Variants in CSMD1 observed in about 807,000 individuals in gnomAD.
CSMD1 encodes the protein CUB and sushi domain-containing protein 1.
Under a neutral mutation model 417.5 loss-of-function variants are expected in CSMD1, and 213 were observed. That is an observed-to-expected ratio of 0.51 (90% CI 0.46 to 0.57). CSMD1 has a LOEUF of 0.57. Among genes scored for constraint, CSMD1 ranks in the 20% least tolerant of loss-of-function variants. The probability of loss-of-function intolerance (pLI) is 0.00; values close to 1 mark genes in which losing one functional copy is unlikely to be tolerated. For synonymous variants in CSMD1, 2,862 were observed against 1,736.8 expected (o/e 1.65, Z -16.11); for missense variants, 6,923 against 4,529.7 (o/e 1.53, Z -15.17).
intron 37 of CSMD1, among the ~76,000 whole-genome samples, chr8:3,176,426 C>T (rs1417911782): frequency 4.0e-5 from 6 of 151,790 alleles, no homozygotes; most frequent in Non-Finnish European, 8.8e-5. Flanking sequence ...AAAAAGTGTG[C>T]ATTCAAAAAA....
At chr8:3,819,024 C>T (rs1305822770) in intron 5 of CSMD1, among the ~76,000 whole-genome samples, 1 of 152,144 alleles carries the variant, frequency 6.6e-6, no homozygotes, top group Non-Finnish European at 1.5e-5. Flanking sequence ...CTTTTGACAT[C>T]CAGATTGACG....
intron 5 of CSMD1, among the ~76,000 whole-genome samples, chr8:3,928,256 A>T (rs1475610111): frequency 6.6e-6 from 1 of 152,246 alleles, no homozygotes; most frequent in Admixed American, 6.5e-5. Context: ...ACAGCCTCAT[A>T]ATTACATATG....
Position 2,957,767 on chromosome 8 carries a change from TG to T in CSMD1, c.9742del (p.His3248IlefsTer14). The T allele has an allele frequency of 6.3e-7, 1 of 1,597,024 alleles. No homozygotes were observed. The highest frequency in any genetic ancestry group is 1.7e-5 in the Admixed American group (1 of 57,836). On this transcript the variant is annotated frameshift_variant, in exon 63 of 70. Coordinates refer to ENST00000635120, the MANE Select transcript of CSMD1 (RefSeq NM_033225.6). LOFTEE classifies it high-confidence loss of function. ...TVFFRCRKGY[H>X]IQGSTTRTCL... ...GGTGCGAGTCGTGGAACCTTGAATA[TG>T]GTAGCCTTTTCTGCACCTGAAAAAA...
At chr8:4,041,711 A>T (rs1005034896) in intron 3 of CSMD1, among the ~76,000 whole-genome samples, 1 of 152,212 alleles carries the variant, frequency 6.6e-6, no homozygotes, top group Non-Finnish European at 1.5e-5. Context: ...CACCAACATT[A>T]AAACTGTTAT....
At chr8:4,007,376 C>T (rs1816207702) in intron 4 of CSMD1, among the ~76,000 whole-genome samples, 1 of 152,224 alleles carries the variant, frequency 6.6e-6, no homozygotes, top group Admixed American at 6.5e-5. Flanking sequence ...AGCCACACTG[C>T]TTCCTGGGGC....
intron 14 of CSMD1, among the ~76,000 whole-genome samples, chr8:3,407,282 G>T (rs537756328): frequency 1.3e-5 from 2 of 152,148 alleles, no homozygotes; most frequent in East Asian, 3.9e-4. Context: ...TAGATGGATG[G>T]AAGGATAAAA....
intron 3 of CSMD1, among the ~76,000 whole-genome samples, chr8:4,127,603 C>T (rs898049370): frequency 1.2e-4 from 19 of 152,102 alleles, no homozygotes; most frequent in African/African-American, 3.9e-4. Context: ...TTTCCCACAC[C>T]ACATACAACA....
At chr8:4,802,110 G>C (rs990206020) in intron 1 of CSMD1, among the ~76,000 whole-genome samples, 1 of 152,206 alleles carries the variant, frequency 6.6e-6, no homozygotes, top group Admixed American at 6.5e-5. Context: ...TCCACAGACA[G>C]TTTTAAGGCC....
chr8:3,087,922 G>C lies in CSMD1; in HGVS notation c.7286-637C>G, dbSNP rs549685500. ...GTGTTTTTTAAGTGTTGTTAAAACA[G>C]AGAAAGTAGAAATATATAACATTTT... On this transcript the variant is annotated intron_variant, in intron 48 of 69. Coordinates refer to ENST00000635120, the MANE Select transcript of CSMD1 (RefSeq NM_033225.6). 8.5e-5 allele frequency among the ~76,000 whole-genome samples: 13 copies of C among 152,328 alleles called. No individual in the cohort carries two copies. In the South Asian group the frequency reaches 2.1e-3, roughly 24 times the overall value.
At chr8:4,104,931 T>C (rs544821670) in intron 3 of CSMD1, among the ~76,000 whole-genome samples, 1 of 152,152 alleles carries the variant, frequency 6.6e-6, no homozygotes, top group African/African-American at 2.4e-5. Flanking sequence ...TACACAACAG[T>C]AGTTTAAACA....
intron 5 of CSMD1, among the ~76,000 whole-genome samples, chr8:3,897,416 A>G (rs1001107168): frequency 6.6e-6 from 1 of 152,168 alleles, no homozygotes; most frequent in Non-Finnish European, 1.5e-5. Context: ...TTTCTCAAAG[A>G]CCTGTTATTA....
chr8:4,958,536 TA>T (rs1809268997), intron 1 of CSMD1, among the ~76,000 whole-genome samples: 1 of 152,178 alleles, frequency 6.6e-6, no homozygotes, highest in African/African-American at 2.4e-5. Context: ...TTCCCACAGT[TA>T]ATTTATAAGC....
chr8:3,724,180 C>T lies in CSMD1; in HGVS notation c.932-15689G>A, dbSNP rs370860308. 1.4e-4 allele frequency among the ~76,000 whole-genome samples: 17 copies of T among 125,072 alleles called. 1 individual carries two copies. The East Asian group carries it at 1.7e-3, about 13-fold the overall frequency. The allele number at this position is 125,072 out of a possible 152,430, so 82.1% of individuals were successfully genotyped here. A position where few individuals can be genotyped will look rare whatever the true frequency, so the allele number is the denominator to read the frequency against. On this transcript the variant is annotated intron_variant, in intron 6 of 69. Coordinates refer to ENST00000635120, the MANE Select transcript of CSMD1 (RefSeq NM_033225.6). Reference sequence around the variant, plus strand: ...AGTTTTGCAAAAATAGAAAACAATGCTACCTCTTTTACTACTTTTTTTTTT... The same window carrying T: ...AGTTTTGCAAAAATAGAAAACAATGTTACCTCTTTTACTACTTTTTTTTTT...
chr8:4,632,981 T>C (rs116073371), intron 2 of CSMD1, among the ~76,000 whole-genome samples: 2 of 152,110 alleles, frequency 1.3e-5, no homozygotes, highest in Non-Finnish European at 2.9e-5. Context: ...AGAATGCAGT[T>C]TGGAGTCCGA....
intron 1 of CSMD1, among the ~76,000 whole-genome samples, chr8:4,644,040 GT>G (rs1803366648): frequency 6.6e-6 from 1 of 152,184 alleles, no homozygotes; most frequent in African/African-American, 2.4e-5. Context: ...AAGAAGAAAA[GT>G]AAAAATGCCA....
chr8:4,214,229 T>C (rs1585035945), intron 3 of CSMD1, among the ~76,000 whole-genome samples: 1 of 152,202 alleles, frequency 6.6e-6, no homozygotes, highest in African/African-American at 2.4e-5. Context: ...TGGACTAAAA[T>C]GGAAGTAAGC....
intron 5 of CSMD1, among the ~76,000 whole-genome samples, chr8:3,916,078 T>A (rs183937298): frequency 2.8e-4 from 42 of 152,002 alleles, no homozygotes; most frequent in Middle Eastern, 3.4e-3. Flanking sequence ...GTGTCTGCTC[T>A]GGAAGTCTTT....
intron 5 of CSMD1, among the ~76,000 whole-genome samples, chr8:3,822,563 C>G (rs1195123709): frequency 6.6e-6 from 1 of 152,186 alleles, no homozygotes; most frequent in African/African-American, 2.4e-5. Context: ...GCTTCCGCCT[C>G]TATCACTTCA....
At chr8:3,054,549 C>T (rs898667743) in intron 49 of CSMD1, among the ~76,000 whole-genome samples, 1 of 152,282 alleles carries the variant, frequency 6.6e-6, no homozygotes, top group African/African-American at 2.4e-5. Flanking sequence ...GCCCAGGAGA[C>T]AGAGGTTGCA....
Sources: allele counts gnomAD v4.1 joint callset (sites outside exome capture counted in the v4.1 genomes callset), GRCh38; gene constraint gnomAD v4.1.1; transcripts MANE v1.5; gene names NCBI Gene and HGNC (gene_info 2026-07-23, HGNC 2026-07-21).